The following FAT4 variants were observed in gnomAD, a reference collection of about 807,000 sequenced individuals.
FAT4 encodes the protein FAT atypical cadherin 4.
Under a neutral mutation model 303.9 loss-of-function variants are expected in FAT4, and 84 were observed. The observed-to-expected ratio is 0.28, with a 90% CI of 0.23 to 0.33. FAT4 has a LOEUF of 0.33. Ranked by LOEUF, FAT4 falls within the 10% of genes least tolerant of loss-of-function variation. The probability of loss-of-function intolerance (pLI) is 1.00; values close to 1 mark genes in which losing one functional copy is unlikely to be tolerated. For synonymous variants in FAT4, 2,307 were observed against 2,298.8 expected, an observed-to-expected ratio of 1.00 and a Z score of -0.10; for missense variants, 6,005 against 6,146.8, an observed-to-expected ratio of 0.98 and a Z score of 0.77.
intron 2 of FAT4, among the ~76,000 whole-genome samples, chr4:125,357,439 T>C (rs1732476057): frequency 6.6e-6 from 1 of 152,152 alleles, no homozygotes; most frequent in African/African-American, 2.4e-5. Context: ...AGGTAATAAA[T>C]AGATTATTCG....
chr4:125,487,709 T>A (rs758558559), intron 17 of FAT4, 103 bp downstream of exon 17: 56 of 1,126,020 alleles, frequency 5.0e-5, no homozygotes, highest in Non-Finnish European at 6.7e-5. Flanking sequence ...ATGAATCTCA[T>A]ATACAGAACA....
chr4:125,410,606 A>C (rs1734802743), intron 5 of FAT4, among the ~76,000 whole-genome samples: 1 of 152,056 alleles, frequency 6.6e-6, no homozygotes, highest in African/African-American at 2.4e-5. Flanking sequence ...TTTTTGATTT[A>C]TTAGTTATGT....
chr4:125,419,892 C>T (rs920059655), intron 7 of FAT4, among the ~76,000 whole-genome samples: 1 of 152,210 alleles, frequency 6.6e-6, no homozygotes, highest in East Asian at 1.9e-4. Context: ...TAAACATTTA[C>T]TGAATACTGC....
In FAT4 at chr4:125,415,221, G is replaced by C; in HGVS notation, c.6258G>C (p.Glu2086Asp). ...DPDSGPNSYIEYTLLNPLGNK... is the reference protein window; with the variant it reads ...DPDSGPNSYIDYTLLNPLGNK... ...ATAGTGGCCCAAACAGCTATATTGA[G>C]TACACTCTGCTGAACCCTTTGGGAA... Residue 2086 changes from glutamate to aspartate, a missense_variant, in exon 6 of 18, where the codon GAG becomes GAC. Glu to Asp is a conservative substitution (Grantham distance 45). Transcript: ENST00000394329. 6.2e-7 allele frequency: 1 copy of C among 1,614,048 alleles called. No homozygotes were observed. The highest frequency in any genetic ancestry group is 8.5e-7 in the Non-Finnish European group (1 of 1,179,958).
intron 7 of FAT4, among the ~76,000 whole-genome samples, chr4:125,421,136 T>G (rs1282645840): frequency 1.3e-5 from 2 of 152,196 alleles, no homozygotes; most frequent in Admixed American, 1.3e-4. Flanking sequence ...GTTGCCAGGC[T>G]GGTCTCGAAC....
Position 125,320,405 on chromosome 4 carries a change from G to A in FAT4, c.3994G>A (p.Glu1332Lys). 6.2e-7 allele frequency: 1 copy of A among 1,613,994 alleles called. No individual in the cohort carries two copies. Among genetic ancestry groups the A allele is most frequent in the Non-Finnish European group, 8.5e-7 (1 of 1,179,918 alleles). The change falls in exon 2 of 18, where the codon GAA (glutamate) becomes AAA (lysine). Residue 1332 changes from glutamate (E) to lysine (K), a missense_variant. Coordinates refer to ENST00000394329, the MANE Select transcript of FAT4 (RefSeq NM_001291303.3). ...VDVLENMRIG[E>K]LVSSVTATDS... is the part of the protein sequence containing the mutation. Reference sequence around the variant, plus strand: ...TGTTTTGGAAAACATGAGAATTGGTGAACTCGTGTCCTCTGTTACTGCAAC... The same window carrying A: ...TGTTTTGGAAAACATGAGAATTGGTAAACTCGTGTCCTCTGTTACTGCAAC...
intron 11 of FAT4, among the ~76,000 whole-genome samples, chr4:125,465,790 A>G (rs1726640615): frequency 6.6e-6 from 1 of 152,184 alleles, no homozygotes; most frequent in Non-Finnish European, 1.5e-5. Flanking sequence ...AAAGACAAAA[A>G]ACATTATCTA....
At position 125,416,439 on chromosome 4, in the gene FAT4, G is replaced by A. The variant is rs2126028776; in HGVS notation, c.6844-9G>A. 1 of 1,611,858 alleles carries A rather than the reference G, an allele frequency of 6.2e-7. No individual in the cohort carries two copies. The highest frequency in any genetic ancestry group is 1.1e-5 in the South Asian group (1 of 90,844). On this transcript the variant is annotated splice_polypyrimidine_tract_variant and intron_variant, in intron 6 of 17. Coordinates refer to ENST00000394329, the MANE Select transcript of FAT4 (RefSeq NM_001291303.3). ...TTTTACTCACATCTTGGTATGTACTGTTCTACAGGTGGTGGCAAGAGATGA... is the reference window on the plus strand; with the variant it reads ...TTTTACTCACATCTTGGTATGTACTATTCTACAGGTGGTGGCAAGAGATGA...
intron 2 of FAT4, among the ~76,000 whole-genome samples, chr4:125,343,840 T>C (rs1286208281): frequency 6.6e-6 from 1 of 152,122 alleles, no homozygotes; most frequent in Admixed American, 6.6e-5. Context: ...TAAATATAAA[T>C]AAAAAGAGAT....
chr4:125,352,132 G>A (rs1279356540), intron 2 of FAT4, among the ~76,000 whole-genome samples: 1 of 151,558 alleles, frequency 6.6e-6, no homozygotes, highest in Non-Finnish European at 1.5e-5. Context: ...GTCATGATTT[G>A]TCTAGCTTAT....
At chr4:125,336,725 T>C (rs1731591717) in intron 2 of FAT4, among the ~76,000 whole-genome samples, 1 of 151,974 alleles carries the variant, frequency 6.6e-6, no homozygotes, top group Admixed American at 6.6e-5. Flanking sequence ...GTAAGTGGTC[T>C]TAGTTGTATT....
rs1578616581 is a variant in FAT4 at position 125,415,025 on chromosome 4, A to G, written c.6062A>G (p.His2021Arg). The change falls in exon 6 of 18, where the codon CAT (histidine) becomes CGT (arginine). Residue 2021 changes from histidine to arginine, a missense_variant. Transcript: ENST00000394329. ...TTCTACAACTTGGTTGTTCAAGTGC[A>G]TGACCTGCCACAGATTCCAGCCTCC... is the stretch of plus-strand genomic sequence containing the variant. ...QSFYNLVVQV[H>R]DLPQIPASRF... 3 of 1,614,102 alleles carry G rather than the reference A, an allele frequency of 1.9e-6. No homozygotes were observed. Among genetic ancestry groups the G allele is most frequent in the Non-Finnish European group, 2.5e-6 (3 of 1,179,986 alleles).
At chr4:125,419,298 G>C (rs1186401776) in intron 7 of FAT4, among the ~76,000 whole-genome samples, 2 of 152,124 alleles carry the variant, frequency 1.3e-5, no homozygotes, top group African/African-American at 4.8e-5. Context: ...TTGCTTCATA[G>C]ATCATTTCAC....
intron 2 of FAT4, among the ~76,000 whole-genome samples, chr4:125,368,696 C>G (rs1487146860): frequency 6.6e-6 from 1 of 151,516 alleles, no homozygotes; most frequent in East Asian, 1.9e-4. Context: ...CCTTAGATCT[C>G]TCTAAAATGT....
At position 125,320,986 on chromosome 4, in the gene FAT4, T is replaced by C. The variant is rs775449102; in HGVS notation, c.4575T>C (p.Asn1525=). The part of the protein sequence containing the change: ...VTILVTDLND[N]VPMFISQNAL... ...TTTTGGTTACAGACCTCAATGACAA[T>C]GTCCCAATGTTTATATCACAAAACG... is the stretch of plus-strand genomic sequence containing the variant. The change falls in exon 2 of 18, where the codon AAT becomes AAC. Residue 1525 remains asparagine (N), a synonymous_variant. Transcript: ENST00000394329. 13 of 1,614,064 alleles carry C rather than the reference T, an allele frequency of 8.1e-6. No individual in the cohort carries two copies. Among genetic ancestry groups the C allele is most frequent in the East Asian group, 2.2e-5 (1 of 44,890 alleles).
intron 17 of FAT4, among the ~76,000 whole-genome samples, chr4:125,489,559 TG>T (rs1188379539): frequency 1.3e-5 from 2 of 152,142 alleles, no homozygotes; most frequent in African/African-American, 4.8e-5. Flanking sequence ...ATGCAATTTT[TG>T]GTATATGGGA....
At chr4:125,385,911 A>G (rs1012137617) in intron 2 of FAT4, among the ~76,000 whole-genome samples, 1 of 152,222 alleles carries the variant, frequency 6.6e-6, no homozygotes, top group Admixed American at 6.5e-5. Flanking sequence ...AATGAAAAAT[A>G]GAAAACAAAT....
intron 17 of FAT4, among the ~76,000 whole-genome samples, chr4:125,489,396 G>A (rs915233299): frequency 1.3e-5 from 2 of 152,122 alleles, no homozygotes; most frequent in Non-Finnish European, 2.9e-5. Flanking sequence ...CATTGTAATA[G>A]CTAAGATTTT....
At chr4:125,363,754 A>AG (rs1289680049) in intron 2 of FAT4, among the ~76,000 whole-genome samples, 3 of 152,072 alleles carry the variant, frequency 2.0e-5, no homozygotes, top group African/African-American at 7.2e-5. Flanking sequence ...TTGGCCTCTC[A>AG]AAGTACTGGG....
Sources: allele counts gnomAD v4.1 joint callset (sites outside exome capture counted in the v4.1 genomes callset), GRCh38; gene constraint gnomAD v4.1.1; transcripts MANE v1.5; gene names NCBI Gene and HGNC (gene_info 2026-07-23, HGNC 2026-07-21).